The following KHDRBS2 variants were observed in gnomAD, a reference collection of about 807,000 sequenced individuals.
KHDRBS2 encodes KH RNA binding domain containing, signal transduction associated 2, also known as KH domain-containing, RNA-binding, signal transduction-associated protein 2.
In KHDRBS2, 26 loss-of-function variants were observed where a neutral mutation model predicts 44.3. The observed-to-expected ratio is 0.59, with a 90% CI of 0.43 to 0.81. KHDRBS2 has a LOEUF of 0.81. Ranked by LOEUF, KHDRBS2 falls within the 40% of genes least tolerant of loss-of-function variation. KHDRBS2 has a pLI of 0.00. For synonymous variants in KHDRBS2, 194 were observed against 151.1 expected (o/e 1.28, Z -2.08); for missense variants, 476 against 433.1 (o/e 1.10, Z -0.88).
At chr6:61,663,004 T>C in the KHDRBS2 span, among the ~76,000 whole-genome samples, 1 of 151,956 alleles carries the variant, frequency 6.6e-6, no homozygotes, top group Non-Finnish European at 1.5e-5. Context: ...CCAACCTAAA[T>C]GTCCAACAAT....
At chr6:61,627,228 G>A in the KHDRBS2 span, among the ~76,000 whole-genome samples, 1 of 122,624 alleles carries the variant, frequency 8.2e-6, no homozygotes, top group East Asian at 2.5e-4. Flanking sequence ...ACTCCAGCCT[G>A]GGCGACAGAG....
chr6:61,833,424 A>C (rs978247967), intron 6 of KHDRBS2, among the ~76,000 whole-genome samples: 23 of 152,314 alleles, frequency 1.5e-4, no homozygotes, highest in African/African-American at 5.5e-4. Context: ...CTGCTATTTC[A>C]TTCACACATT....
At chr6:61,962,048 G>A (rs1160895923) in intron 4 of KHDRBS2, among the ~76,000 whole-genome samples, 1 of 151,934 alleles carries the variant, frequency 6.6e-6, no homozygotes, top group African/African-American at 2.4e-5. Context: ...TCTAGGAAAG[G>A]TAATGCATGA....
intron 2 of KHDRBS2, among the ~76,000 whole-genome samples, chr6:62,069,317 G>C (rs1424469424): frequency 6.6e-6 from 1 of 151,680 alleles, no homozygotes. Flanking sequence ...ATAAGGAACA[G>C]AAAATATATT....
intron 6 of KHDRBS2, among the ~76,000 whole-genome samples, chr6:61,780,692 TAACA>T (rs1006157317): frequency 2.6e-5 from 4 of 152,190 alleles, no homozygotes; most frequent in African/African-American, 9.7e-5. Flanking sequence ...AATTTCTTTG[TAACA>T]AACATTCATC....
At chr6:61,698,265 G>A (rs2127544435) in intron 7 of KHDRBS2, among the ~76,000 whole-genome samples, 1 of 151,946 alleles carries the variant, frequency 6.6e-6, no homozygotes. Flanking sequence ...TTTCCCTATG[G>A]TTACCTTCTC....
intron 3 of KHDRBS2, among the ~76,000 whole-genome samples, chr6:62,036,242 C>A (rs1033277988): frequency 6.6e-6 from 1 of 151,906 alleles, no homozygotes; most frequent in African/African-American, 2.4e-5. Flanking sequence ...CGGATAGCAA[C>A]ATTTTGTAAA....
At chr6:61,545,316 T>G in the KHDRBS2 span, among the ~76,000 whole-genome samples, 1 of 151,948 alleles carries the variant, frequency 6.6e-6, no homozygotes, top group Non-Finnish European at 1.5e-5. Flanking sequence ...TGATAGGCAC[T>G]AGGCCATCAT....
chr6:61,733,837 C>T (rs1774895389), intron 6 of KHDRBS2, among the ~76,000 whole-genome samples: 1 of 151,674 alleles, frequency 6.6e-6, no homozygotes, highest in South Asian at 2.1e-4. Flanking sequence ...AGCCATCCGT[C>T]TCGATTATTC....
intron 2 of KHDRBS2, among the ~76,000 whole-genome samples, chr6:62,131,602 G>A (rs1486427547): frequency 1.3e-5 from 2 of 152,162 alleles, no homozygotes; most frequent in Non-Finnish European, 2.9e-5. Context: ...GAATTTCACA[G>A]GGAAGTACCA....
rs143278402 is a variant in KHDRBS2, at chr6:62,242,629, T to C, written c.91+43229A>G. Among the ~76,000 whole-genome samples the C allele has an allele frequency of 2.5e-3, 380 of 152,020 alleles. 3 individuals carry two copies. The highest frequency in any genetic ancestry group is 8.4e-3 in the African/African-American group (349 of 41,476). ...GGTAATACAGCAAACAAGAAAATCT[T>C]AATTTAAAAAAAAAAATATTTTTCC... is the stretch of plus-strand genomic sequence containing the variant. On this transcript the variant is annotated intron_variant, in intron 1 of 8. Transcript: ENST00000281156.
chr6:61,597,956 G>GACTT, the KHDRBS2 span, among the ~76,000 whole-genome samples: 1 of 146,226 alleles, frequency 6.8e-6, no homozygotes, highest in Non-Finnish European at 1.5e-5. Context: ...TAATTAAGCT[G>GACTT]ACTTTTGACT....
At chr6:61,975,675 A>G (rs1276310180) in intron 4 of KHDRBS2, among the ~76,000 whole-genome samples, 1 of 139,788 alleles carries the variant, frequency 7.2e-6, no homozygotes, top group African/African-American at 2.6e-5. Flanking sequence ...ACACACACAC[A>G]CACACAGAGA....
At chr6:62,033,124 T>C (rs774168096) in intron 3 of KHDRBS2, among the ~76,000 whole-genome samples, 2 of 151,482 alleles carry the variant, frequency 1.3e-5, no homozygotes, top group South Asian at 4.2e-4. Flanking sequence ...GCAGAAGAAA[T>C]AATTAGTGAG....
chr6:61,933,962 GCTTT>G (rs1810559401), intron 4 of KHDRBS2, among the ~76,000 whole-genome samples: 2 of 152,118 alleles, frequency 1.3e-5, no homozygotes, highest in South Asian at 2.1e-4. Context: ...ATCAAAACTG[GCTTT>G]CTTTCATAAT....
the KHDRBS2 span, among the ~76,000 whole-genome samples, chr6:61,565,167 T>C: frequency 6.6e-6 from 1 of 151,910 alleles, no homozygotes; most frequent in Non-Finnish European, 1.5e-5. Flanking sequence ...AAATATAAAA[T>C]AAAATGGATT....
At chr6:62,193,212 T>G (rs1277133780) in intron 1 of KHDRBS2, among the ~76,000 whole-genome samples, 2 of 152,098 alleles carry the variant, frequency 1.3e-5, no homozygotes, top group African/African-American at 4.8e-5. Context: ...TTTCCAGGGA[T>G]AAACACTTCA....
chr6:62,090,587 AT>A (rs1022095468), intron 2 of KHDRBS2, among the ~76,000 whole-genome samples: 17 of 151,436 alleles, frequency 1.1e-4, no homozygotes, highest in Admixed American at 9.9e-4. Flanking sequence ...TACTTATTTA[AT>A]TTTTTTTAAC....
intron 2 of KHDRBS2, among the ~76,000 whole-genome samples, chr6:62,119,384 T>G (rs1423389152): frequency 1.3e-5 from 2 of 152,154 alleles, no homozygotes; most frequent in East Asian, 3.9e-4. Flanking sequence ...AACTCAGGGA[T>G]TCTAACTCAT....
Sources: gnomAD v4.1 joint callset for allele counts (sites outside exome capture counted in the v4.1 genomes callset) on GRCh38, gnomAD v4.1.1 for gene constraint, MANE v1.5 for transcripts, NCBI Gene and HGNC (gene_info 2026-07-23, HGNC 2026-07-21) for gene names.